Variants in ROBO2 observed in about 807,000 individuals in gnomAD.
ROBO2 encodes the protein roundabout guidance receptor 2, also known as roundabout homolog 2.
In ROBO2, 53 loss-of-function variants were observed where a neutral mutation model predicts 160.8. The observed-to-expected ratio is 0.33, with a 90% CI of 0.26 to 0.41. The LOEUF (loss-of-function observed/expected upper bound fraction) is 0.41. Among genes scored for constraint, ROBO2 ranks in the 10% least tolerant of loss-of-function variants. ROBO2 has a pLI of 1.00. For synonymous variants in ROBO2, 664 were observed against 611.7 expected (o/e 1.09, Z -1.26); for missense variants, 1,577 against 1,722.4 (o/e 0.92, Z 1.49).
chr3:76,113,034 A>AC (rs1224557881), intron 2 of ROBO2, among the ~76,000 whole-genome samples: 4 of 152,238 alleles, frequency 2.6e-5, no homozygotes, highest in African/African-American at 9.6e-5. Context: ...TTTATTAACC[A>AC]CTAGTGGAGT....
chr3:76,529,723 A>T (rs962953345), intron 2 of ROBO2, among the ~76,000 whole-genome samples: 2 of 152,156 alleles, frequency 1.3e-5, no homozygotes, highest in African/African-American at 4.8e-5. Context: ...TTAAGATATC[A>T]GTGGGTTTCT....
intron 2 of ROBO2, among the ~76,000 whole-genome samples, chr3:76,272,996 AT>A (rs1396128316): frequency 1.3e-5 from 1 of 76,840 alleles, no homozygotes; most frequent in African/African-American, 6.1e-5. Flanking sequence ...ATAATATATA[AT>A]TTATATATAA....
chr3:77,276,577 C>T (rs546998097), intron 2 of ROBO2, among the ~76,000 whole-genome samples: 20 of 152,226 alleles, frequency 1.3e-4, no homozygotes, highest in Admixed American at 1.0e-3. Flanking sequence ...CTTAGAAATG[C>T]TTTAATAATT....
rs866062034 is a variant in ROBO2, at chr3:77,598,523, A to G, written c.2854+1773A>G. ...TATATACGCACACACATATATATAT[A>G]TGTGTATATATATATATATCCCAAA... On this transcript the variant is annotated intron_variant, in intron 19 of 25. Transcript: ENST00000461745. 3.2e-3 allele frequency among the ~76,000 whole-genome samples: 320 copies of G among 98,674 alleles called. 2 individuals carry two copies. The highest frequency in any genetic ancestry group is 0.011 in the African/African-American group (297 of 25,914). The allele number at this position is 98,674 out of a possible 152,430, so 64.7% of individuals were successfully genotyped here. A position where few individuals can be genotyped will look rare whatever the true frequency, so the allele number is the denominator to read the frequency against.
intron 2 of ROBO2, among the ~76,000 whole-genome samples, chr3:76,509,169 G>A (rs1194095890): frequency 1.3e-5 from 2 of 152,124 alleles, no homozygotes; most frequent in Non-Finnish European, 2.9e-5. Flanking sequence ...AGTTTTTCTA[G>A]TAAAAGAAGG....
intron 2 of ROBO2, among the ~76,000 whole-genome samples, chr3:76,540,227 G>C (rs1050898154): frequency 6.6e-6 from 1 of 152,196 alleles, no homozygotes; most frequent in African/African-American, 2.4e-5. Flanking sequence ...TGCAGACATA[G>C]TGACTACAAG....
At chr3:75,948,948 CA>C (rs1394694183) in intron 2 of ROBO2, among the ~76,000 whole-genome samples, 2 of 151,970 alleles carry the variant, frequency 1.3e-5, no homozygotes, top group East Asian at 3.9e-4. Flanking sequence ...ATTTATAGTG[CA>C]TTTTTGTTAT....
intron 2 of ROBO2, among the ~76,000 whole-genome samples, chr3:76,133,012 C>A (rs1388533424): frequency 6.6e-6 from 1 of 151,992 alleles, no homozygotes; most frequent in Non-Finnish European, 1.5e-5. Flanking sequence ...ACTCATAAAG[C>A]CCCTTTTGGG....
At chr3:76,916,880 T>G (rs1378623776) in intron 2 of ROBO2, among the ~76,000 whole-genome samples, 1 of 152,150 alleles carries the variant, frequency 6.6e-6, no homozygotes. Flanking sequence ...CTTTTTCTTT[T>G]TTTCATTTAT....
At chr3:76,940,043 G>T (rs1357884268) in intron 2 of ROBO2, among the ~76,000 whole-genome samples, 1 of 148,750 alleles carries the variant, frequency 6.7e-6, no homozygotes, top group Non-Finnish European at 1.5e-5. Flanking sequence ...GTGCGGTGGC[G>T]CTACCTCGGC....
At chr3:77,610,471 A>G (rs908147531) in intron 21 of ROBO2, among the ~76,000 whole-genome samples, 1 of 152,136 alleles carries the variant, frequency 6.6e-6, no homozygotes. Flanking sequence ...GAAAGGGGCA[A>G]TCATATATAC....
At chr3:76,965,958 T>C (rs2059270536) in intron 2 of ROBO2, among the ~76,000 whole-genome samples, 1 of 149,084 alleles carries the variant, frequency 6.7e-6, no homozygotes, top group African/African-American at 2.5e-5. Flanking sequence ...GTTTCACTCT[T>C]GTTGCCCAGG....
chr3:77,264,427 A>AT (rs1393368097), intron 2 of ROBO2, among the ~76,000 whole-genome samples: 2 of 151,892 alleles, frequency 1.3e-5, no homozygotes, highest in Non-Finnish European at 2.9e-5. Context: ...GAACATCTGG[A>AT]TTTTTTTTCT....
intron 2 of ROBO2, among the ~76,000 whole-genome samples, chr3:76,648,888 A>T (rs1326480370): frequency 1.3e-5 from 2 of 152,094 alleles, no homozygotes; most frequent in African/African-American, 4.8e-5. Context: ...AAAATTTTTT[A>T]TTTGTAAAAT....
chr3:76,226,186 A>G (rs1176272253), intron 2 of ROBO2, among the ~76,000 whole-genome samples: 2 of 152,342 alleles, frequency 1.3e-5, no homozygotes, highest in Non-Finnish European at 1.5e-5. Flanking sequence ...CTTATAATAT[A>G]GGTCAGAAAA....
chr3:77,281,935 G>A (rs1175004528), intron 2 of ROBO2, among the ~76,000 whole-genome samples: 3 of 152,144 alleles, frequency 2.0e-5, no homozygotes, highest in African/African-American at 7.2e-5. Flanking sequence ...GGTAATGCTC[G>A]CTCCCTCCTG....
intron 2 of ROBO2, among the ~76,000 whole-genome samples, chr3:76,559,648 A>G (rs149322853): frequency 5.7e-4 from 86 of 152,210 alleles, no homozygotes; most frequent in Middle Eastern, 3.4e-3. Flanking sequence ...AGTAGATACT[A>G]TAGTAATTCC....
intron 2 of ROBO2, among the ~76,000 whole-genome samples, chr3:76,847,486 T>C (rs1037203214): frequency 1.3e-5 from 2 of 152,148 alleles, no homozygotes; most frequent in Non-Finnish European, 2.9e-5. Flanking sequence ...CATACTTGTA[T>C]TTGGAGAGTG....
intron 2 of ROBO2, among the ~76,000 whole-genome samples, chr3:77,229,837 G>A (rs1006199603): frequency 2.0e-5 from 3 of 152,056 alleles, no homozygotes; most frequent in Admixed American, 1.3e-4. Context: ...AAATCAAGAG[G>A]TTATTATTTT....
Sources: gnomAD v4.1 joint callset for allele counts (sites outside exome capture counted in the v4.1 genomes callset) on GRCh38, gnomAD v4.1.1 for gene constraint, MANE v1.5 for transcripts, NCBI Gene and HGNC (gene_info 2026-07-23, HGNC 2026-07-21) for gene names.